VPS13D: variants seen among roughly 807,000 people sequenced by gnomAD.
VPS13D encodes the protein intermembrane lipid transfer protein VPS13D.
Under a neutral mutation model 461.9 loss-of-function variants are expected in VPS13D, and 187 were observed. The observed-to-expected ratio is 0.40, with a 90% confidence interval of 0.36 to 0.46. VPS13D has a LOEUF of 0.46. Among genes scored for constraint, VPS13D ranks in the 20% least tolerant of loss-of-function variants. VPS13D has a pLI of 0.60. For synonymous variants in VPS13D, 1,951 were observed against 1,986.3 expected, an observed-to-expected ratio of 0.98 and a Z score of 0.47; for missense variants, 4,711 against 5,364.9, an observed-to-expected ratio of 0.88 and a Z score of 3.81.
intron 67 of VPS13D, among the ~76,000 whole-genome samples, chr1:12,491,737 T>C (rs752514069): frequency 1.3e-5 from 2 of 152,246 alleles, no homozygotes; most frequent in Non-Finnish European, 2.9e-5. Flanking sequence ...TCCTCCATGC[T>C]GTACAGCAGA....
At position 12,360,648 on chromosome 1, in the gene VPS13D, A is replaced by C. The variant is rs76127805; in HGVS notation, c.10141+2047A>C. Among the ~76,000 whole-genome samples the C allele has an allele frequency of 5.6e-3, 848 of 152,328 alleles. 7 individuals carry two copies. The highest frequency in any genetic ancestry group is 0.019 in the African/African-American group (772 of 41,574). On this transcript the variant is annotated intron_variant, in intron 50 of 69. Coordinates refer to ENST00000620676, the MANE Select transcript of VPS13D (RefSeq NM_015378.4). ...TTTCTGACAATGAAAGCTTCTCTGC[A>C]TGTCACAGAAAGAAGTGATAGGGTA...
At chr1:12,366,981 A>G (rs1644044799) in intron 52 of VPS13D, among the ~76,000 whole-genome samples, 1 of 152,192 alleles carries the variant, frequency 6.6e-6, no homozygotes, top group South Asian at 2.1e-4. Context: ...ATGAAATTTA[A>G]CCTTGATATG....
rs1473157124 is a variant in VPS13D, at chr1:12,277,966, G to A, written c.4378G>A (p.Gly1460Ser). 1 of 1,614,088 alleles carries A rather than the reference G, an allele frequency of 6.2e-7. No individual in the cohort carries two copies. Among genetic ancestry groups the A allele is most frequent in the African/African-American group, 1.3e-5 (1 of 74,932 alleles). ...SRMFCPPSGS[G>S]SANSQEEAHF... The stretch of plus-strand genomic sequence containing the variant: ...GATGTTTTGCCCACCTTCCGGGTCT[G>A]GCAGTGCCAACAGTCAGGAGGAAGC... Residue 1460 changes from glycine to serine, a missense_variant, in exon 19 of 70, where the codon GGC becomes AGC. By Grantham distance (56) the Gly-to-Ser change is moderately conservative. Coordinates refer to ENST00000620676, the MANE Select transcript of VPS13D (RefSeq NM_015378.4).
At chr1:12,305,907 T>C (rs1371597417) in intron 26 of VPS13D, among the ~76,000 whole-genome samples, 4 of 152,230 alleles carry the variant, frequency 2.6e-5, no homozygotes, top group African/African-American at 9.6e-5. Context: ...CCAAACATTG[T>C]GGTGCATTAT....
chr1:12,255,011 T>G (rs1327905789), intron 7 of VPS13D, among the ~76,000 whole-genome samples: 1 of 151,892 alleles, frequency 6.6e-6, no homozygotes, highest in African/African-American at 2.4e-5. Flanking sequence ...AGTGGCACGA[T>G]CTTGGCTCAC....
chr1:12,416,552 T>G, intron 64 of VPS13D, 108 bp from the exon 65 acceptor site: 302 of 1,163,234 alleles, frequency 2.6e-4, no homozygotes, highest in Non-Finnish European at 3.3e-4. Flanking sequence ...CTTGTAGTAA[T>G]GAGAATGGAG....
At chr1:12,439,155 A>G (rs933897267) in intron 65 of VPS13D, among the ~76,000 whole-genome samples, 3 of 152,088 alleles carry the variant, frequency 2.0e-5, no homozygotes, top group Admixed American at 1.3e-4. Flanking sequence ...TTCACTCCAC[A>G]TAGAAAATTC....
intron 67 of VPS13D, among the ~76,000 whole-genome samples, chr1:12,475,956 G>A (rs899883072): frequency 6.6e-6 from 1 of 151,876 alleles, no homozygotes; most frequent in Non-Finnish European, 1.5e-5. Context: ...TGGTGTGTGG[G>A]TGTGAAAAAG....
At chr1:12,260,544 A>G (rs1487558872) in intron 10 of VPS13D, 149 bp from the exon 11 acceptor site, 6 of 642,282 alleles carry the variant, frequency 9.3e-6, no homozygotes, top group Admixed American at 2.7e-5. Flanking sequence ...TCATGGAACT[A>G]TTTATCTTGT....
At chr1:12,250,213 TA>T (rs1411943690) in intron 6 of VPS13D, among the ~76,000 whole-genome samples, 1 of 152,206 alleles carries the variant, frequency 6.6e-6, no homozygotes, top group Non-Finnish European at 1.5e-5. Flanking sequence ...TCAAAGTTTT[TA>T]TGCAGCTTAA....
chr1:12,360,047 G>C (rs1643926881), intron 50 of VPS13D, among the ~76,000 whole-genome samples: 1 of 152,204 alleles, frequency 6.6e-6, no homozygotes, highest in Non-Finnish European at 1.5e-5. Flanking sequence ...CAGAATTCTT[G>C]CAGAGGCCAG....
At chr1:12,485,797 TG>T (rs200148446) in intron 67 of VPS13D, among the ~76,000 whole-genome samples, 73 of 152,294 alleles carry the variant, frequency 4.8e-4, no homozygotes, top group East Asian at 7.7e-4. Flanking sequence ...ATGTTAACAC[TG>T]GGGGCACTTA....
Position 12,261,167 on chromosome 1 carries a change from C to T in VPS13D, c.1414+18C>T. 2 of 1,613,044 alleles carry T rather than the reference C, an allele frequency of 1.2e-6. No homozygotes were observed. The highest frequency in any genetic ancestry group is 4.5e-5 in the East Asian group (2 of 44,860). On this transcript the variant is annotated intron_variant, in intron 12 of 69. Coordinates refer to ENST00000620676, the MANE Select transcript of VPS13D (RefSeq NM_015378.4). ...GATCCTGGGTACGGTGGGAGCTGGCCTTCACTTGATTCAAACAAATTCGTC... is the reference window on the plus strand; with the variant it reads ...GATCCTGGGTACGGTGGGAGCTGGCTTTCACTTGATTCAAACAAATTCGTC...
intron 10 of VPS13D, 28 bp downstream of exon 10, chr1:12,258,131 T>C: frequency 6.2e-7 from 1 of 1,610,286 alleles, no homozygotes; most frequent in Non-Finnish European, 8.5e-7. Context: ...TTGTGTTTCT[T>C]GTCTTATTCA....
At chr1:12,285,292 A>ATTTT (rs1316760884) in intron 21 of VPS13D, among the ~76,000 whole-genome samples, 92 of 141,722 alleles carry the variant, frequency 6.5e-4, no homozygotes, top group Admixed American at 3.3e-3. Context: ...TTATTTATTT[A>ATTTT]TTTATTTTTT....
intron 65 of VPS13D, among the ~76,000 whole-genome samples, chr1:12,445,413 A>G (rs1376040111): frequency 6.6e-6 from 1 of 152,240 alleles, no homozygotes; most frequent in Admixed American, 6.5e-5. Context: ...GTTCTCTTCC[A>G]TAGTCCAGGA....
intron 61 of VPS13D, 83 bp from the exon 62 acceptor site, chr1:12,401,525 C>A: frequency 8.6e-6 from 8 of 927,398 alleles, no homozygotes; most frequent in East Asian, 2.5e-5. Context: ...GAAAGCATAC[C>A]ATGTCATTGA....
Position 12,318,184 on chromosome 1 carries a change from A to G in VPS13D, c.7261A>G (p.Lys2421Glu), listed in dbSNP as rs1642939699. The G allele has an allele frequency of 1.2e-6, 2 of 1,614,184 alleles. No homozygotes were observed. Among genetic ancestry groups the G allele is most frequent in the Non-Finnish European group, 1.7e-6 (2 of 1,180,020 alleles). Residue 2421 changes from lysine to glutamate, a missense_variant, in exon 31 of 70, where the codon AAG (lysine) becomes GAG (glutamate). By Grantham distance (56) the Lys-to-Glu change is moderately conservative. Coordinates refer to ENST00000620676, the MANE Select transcript of VPS13D (RefSeq NM_015378.4). ...TTTTCTCCACACTCCCAGTGATATT[A>G]AGAAACAAAATCATGTTACTCCTTC... ...HDFLHTPSDI[K>E]KQNHVTPSRH...
chr1:12,330,109 T>A (rs1409139413), intron 37 of VPS13D, among the ~76,000 whole-genome samples, 191 bp downstream of exon 37: 1 of 152,182 alleles, frequency 6.6e-6, no homozygotes, highest in African/African-American at 2.4e-5. Context: ...ATATCTGATA[T>A]GTTGCAACTA....
Sources: gnomAD v4.1 joint callset for allele counts (sites outside exome capture counted in the v4.1 genomes callset) on GRCh38, gnomAD v4.1.1 for gene constraint, MANE v1.5 for transcripts, NCBI Gene and HGNC (gene_info 2026-07-23, HGNC 2026-07-21) for gene names.